NFIA: variants seen among roughly 807,000 people sequenced by gnomAD.
NFIA encodes nuclear factor I A.
In NFIA, 8 loss-of-function variants were observed where a neutral mutation model predicts 62.8. The ratio of observed to expected loss-of-function variants is 0.13; its 90% CI spans 0.07 to 0.23. NFIA has a LOEUF of 0.23. NFIA is among the 10% of genes least tolerant of loss of function. The pLI, the probability that NFIA is intolerant of heterozygous loss-of-function variation, is 1.00. For missense variants in NFIA, 410 were observed against 642.1 expected, an observed-to-expected ratio of 0.64 and a Z score of 3.91; for synonymous variants, 235 against 238.1, an observed-to-expected ratio of 0.99 and a Z score of 0.12.
chr1:61,425,520 A>C (rs1253488053), intron 9 of NFIA, among the ~76,000 whole-genome samples: 1 of 152,220 alleles, frequency 6.6e-6, no homozygotes, highest in Non-Finnish European at 1.5e-5. Context: ...AGACATTTGA[A>C]ATTTTTAAGT....
intron 3 of NFIA, among the ~76,000 whole-genome samples, chr1:61,328,120 TTGA>T (rs888707923): frequency 3.3e-5 from 5 of 151,122 alleles, no homozygotes; most frequent in African/African-American, 1.2e-4. Flanking sequence ...TTTTTTCTTG[TTGA>T]TTTATTTGAG....
At chr1:61,300,045 G>T (rs1659411182) in intron 3 of NFIA, among the ~76,000 whole-genome samples, 1 of 152,048 alleles carries the variant, frequency 6.6e-6, no homozygotes, top group Non-Finnish European at 1.5e-5. Flanking sequence ...ACTCATCCAT[G>T]AGCTGGCCAG....
Position 61,109,136 on chromosome 1 carries a change from C to T in NFIA, c.559+20456C>T, listed in dbSNP as rs958678075. On this transcript the variant is annotated intron_variant, in intron 2 of 10. Coordinates refer to ENST00000403491, the MANE Select transcript of NFIA (RefSeq NM_001134673.4). ...ATGGGTTTACTTTTTCCTTTTTCCT[C>T]ATGTAATTTTTGTTAAGACTTGAAT... Among the ~76,000 whole-genome samples, 4 of 151,754 alleles carry T rather than the reference C, an allele frequency of 2.6e-5. No homozygotes were observed. The East Asian group carries it at 7.7e-4, about 29-fold the overall frequency.
chr1:61,406,543 G>GGGGGGGGGGCCCCC lies in NFIA; in HGVS notation c.1255-19_1255-18insGGGGGGGGGCCCCC. 1.1e-6 allele frequency: 1 copy of GGGGGGGGGGCCCCC among 876,654 alleles called. No individual in the cohort carries two copies. Among genetic ancestry groups the GGGGGGGGGGCCCCC allele is most frequent in the Non-Finnish European group, 1.5e-6 (1 of 653,744 alleles). 54.3% of individuals were successfully genotyped at this position (876,654 alleles called of 1,614,324 possible). ...TCTTTTTCTTGTACGTGTGTTTTCT[G>GGGGGGGGGGCCCCC]CCCCCCCCCCCCCCACAGCCCAATG... On this transcript the variant is annotated intron_variant, in intron 8 of 10. Transcript: ENST00000403491.
chr1:61,411,825 T>C (rs1418782439), intron 9 of NFIA, among the ~76,000 whole-genome samples: 1 of 151,236 alleles, frequency 6.6e-6, no homozygotes, highest in African/African-American at 2.4e-5. Context: ...TGAGCAAGGA[T>C]GCAGTAGGAG....
intron 2 of NFIA, among the ~76,000 whole-genome samples, chr1:61,192,730 G>A (rs1192741786): frequency 6.6e-6 from 1 of 151,826 alleles, no homozygotes; most frequent in African/African-American, 2.4e-5. Flanking sequence ...AAAAAGAAAT[G>A]TCAAAGTAAG....
In NFIA at chr1:61,142,555, A is replaced by G. The variant is rs1647608893; in HGVS notation, c.559+53875A>G. 4.6e-5 allele frequency among the ~76,000 whole-genome samples: 7 copies of G among 152,352 alleles called. No individual in the cohort carries two copies. In the South Asian group the frequency reaches 1.2e-3, roughly 27 times the overall value. On this transcript the variant is annotated intron_variant, in intron 2 of 10. Coordinates refer to ENST00000403491, the MANE Select transcript of NFIA (RefSeq NM_001134673.4). ...GTTTTGGGATTTTCCTATTCCCAAG[A>G]GTCCAAATGGGTACCTTTCTAAGTC...
chr1:61,355,982 G>A (rs1485872690), intron 5 of NFIA, among the ~76,000 whole-genome samples: 1 of 152,110 alleles, frequency 6.6e-6, no homozygotes. Context: ...TACTGGCTTG[G>A]GGTATTTGCA....
chr1:61,343,511 C>A (rs1662042008), intron 4 of NFIA, among the ~76,000 whole-genome samples: 1 of 152,174 alleles, frequency 6.6e-6, no homozygotes, highest in South Asian at 2.1e-4. Context: ...AAAAAATATT[C>A]TACTGGCTTT....
intron 7 of NFIA, among the ~76,000 whole-genome samples, chr1:61,395,086 G>A (rs2474387): frequency 0.3 from 46,266 of 151,886 alleles, 7,395 homozygotes; most frequent in East Asian, 0.57. Flanking sequence ...CAGCCTGGGC[G>A]ACAGAGCAAA....
At chr1:61,171,704 C>A (rs910404277) in intron 2 of NFIA, among the ~76,000 whole-genome samples, 2 of 152,086 alleles carry the variant, frequency 1.3e-5, no homozygotes, top group Non-Finnish European at 2.9e-5. Flanking sequence ...TGGTGCTATA[C>A]CTGTGTGGGT....
At chr1:61,254,976 C>T (rs17311740) in intron 2 of NFIA, among the ~76,000 whole-genome samples, 6,254 of 152,204 alleles carry the variant, frequency 0.041, 185 homozygotes, top group Non-Finnish European at 0.062. Flanking sequence ...GACCATGTGA[C>T]GTTTGTGACA....
intron 9 of NFIA, 60 bp downstream of exon 9, chr1:61,406,787 A>T: frequency 6.8e-7 from 1 of 1,476,824 alleles, no homozygotes; most frequent in Non-Finnish European, 9.1e-7. Flanking sequence ...TGGAATCCAC[A>T]CTTAGGCTTT....
intron 2 of NFIA, among the ~76,000 whole-genome samples, chr1:61,091,644 T>G (rs897997239): frequency 6.6e-6 from 1 of 152,204 alleles, no homozygotes; most frequent in Non-Finnish European, 1.5e-5. Context: ...TGGTTTTCTT[T>G]GTGGGTGTGT....
chr1:61,144,592 T>G (rs1647792061), intron 2 of NFIA, among the ~76,000 whole-genome samples: 1 of 152,160 alleles, frequency 6.6e-6, no homozygotes, highest in Non-Finnish European at 1.5e-5. Flanking sequence ...CCACAAGAAC[T>G]TGGGAGAGTT....
chr1:61,341,060 C>CTTTTTTTTTTTT (rs35203949), intron 4 of NFIA, among the ~76,000 whole-genome samples: 1 of 108,792 alleles, frequency 9.2e-6, no homozygotes, highest in Non-Finnish European at 1.8e-5. Flanking sequence ...TACCGGCATT[C>CTTTTTTTTTTTT]TTTTTTTTTT....
intron 2 of NFIA, among the ~76,000 whole-genome samples, chr1:61,164,010 T>C (rs1165952941): frequency 6.6e-6 from 1 of 152,222 alleles, no homozygotes; most frequent in Admixed American, 6.5e-5. Flanking sequence ...AATCATAGGA[T>C]GCTTTAAATA....
At chr1:61,402,231 G>A (rs1255928763) in intron 7 of NFIA, among the ~76,000 whole-genome samples, 1 of 151,300 alleles carries the variant, frequency 6.6e-6, no homozygotes, top group African/African-American at 2.4e-5. Flanking sequence ...GTAGAGATGG[G>A]GTTTCACCGT....
intron 1 of NFIA, 112 bp downstream of exon 1, chr1:61,082,930 C>G (rs1646140858): frequency 1.1e-6 from 1 of 908,666 alleles, no homozygotes; most frequent in Non-Finnish European, 1.4e-6. Context: ...GGGCGTGCGT[C>G]TCGGTGTGTG....
Sources: gnomAD v4.1 joint callset for allele counts (sites outside exome capture counted in the v4.1 genomes callset) on GRCh38, gnomAD v4.1.1 for gene constraint, MANE v1.5 for transcripts, NCBI Gene and HGNC (gene_info 2026-07-23, HGNC 2026-07-21) for gene names.